Variants in POLR2F observed in about 807,000 individuals in gnomAD.
The protein encoded by POLR2F is RNA polymerase II, I and III subunit F.
Under a neutral mutation model 22.7 loss-of-function variants are expected in POLR2F, and 12 were observed. That is an observed-to-expected ratio of 0.53 (90% CI 0.34 to 0.86). The LOEUF is 0.86. Among genes scored for constraint, POLR2F ranks in the 40% least tolerant of loss-of-function variants. The pLI, the probability that POLR2F is intolerant of heterozygous loss-of-function variation, is 0.02. For missense variants in POLR2F, 126 were observed against 171.5 expected, an observed-to-expected ratio of 0.73 and a Z score of 1.48; for synonymous variants, 57 against 66.0, an observed-to-expected ratio of 0.86 and a Z score of 0.66.
At chr22:37,970,249 C>T (rs1239470922), downstream of POLR2F, among the ~76,000 whole-genome samples, 2 of 148,484 alleles carry the variant, frequency 1.3e-5, no homozygotes, top group Non-Finnish European at 3.0e-5. Context: ...AGCCGAGATC[C>T]CGCTACTGCA....
chr22:37,982,490 G>A (rs559564133), upstream of POLR2F, among the ~76,000 whole-genome samples: 13 of 152,286 alleles, frequency 8.5e-5, no homozygotes, highest in African/African-American at 3.1e-4. Context: ...CCCTGCGGGG[G>A]ATGTTTTTCC....
At chr22:38,018,040 C>T (rs989594500) in intron 1 of POLR2F, among the ~76,000 whole-genome samples, 3 of 152,212 alleles carry the variant, frequency 2.0e-5, no homozygotes, top group Non-Finnish European at 4.4e-5. Context: ...GAATTTCTGT[C>T]CTGGGAAACC....
At chr22:38,012,995 C>T (rs1029051974) in intron 1 of POLR2F, among the ~76,000 whole-genome samples, 1 of 152,168 alleles carries the variant, frequency 6.6e-6, no homozygotes, top group Non-Finnish European at 1.5e-5. Flanking sequence ...GTCCAGTTCT[C>T]ACTCAAGGAG....
intron 1 of POLR2F, among the ~76,000 whole-genome samples, chr22:38,021,610 CCATGCCCA>C (rs2084960783): frequency 6.6e-6 from 1 of 152,078 alleles, no homozygotes; most frequent in South Asian, 2.1e-4. Flanking sequence ...GCACGCGCCA[CCATGCCCA>C]GTTACTTTTT....
intron 4 of POLR2F, among the ~76,000 whole-genome samples, chr22:37,981,180 T>C (rs529166609): frequency 6.6e-6 from 1 of 152,356 alleles, no homozygotes; most frequent in South Asian, 2.1e-4. Flanking sequence ...TTAAGACACC[T>C]GTTTTCCAGC....
chr22:38,003,231 C>G (rs535053280), intron 1 of POLR2F, among the ~76,000 whole-genome samples: 5 of 151,640 alleles, frequency 3.3e-5, no homozygotes, highest in Non-Finnish European at 7.4e-5. Context: ...TAAGGACAGT[C>G]AGGAACCATG....
rs1931969780 is a variant in POLR2F at position 37,969,148 on chromosome 22, ATTGGGGGTTAACCCT to A, written c.*1435_*1449del. 2.0e-6 allele frequency: 2 copies of A among 984,756 alleles called. No individual in the cohort carries two copies. The highest frequency in any genetic ancestry group is 1.2e-4 in the Admixed American group (2 of 16,242). 61.0% of individuals were successfully genotyped at this position (984,756 alleles called of 1,614,324 possible). On this transcript the variant is annotated 3_prime_UTR_variant, in exon 5 of 5. Transcript: ENST00000442738. ...GGGGTTTGGGCTGGGGAGGAGGGGA[ATTGGGGGTTAACCCT>A]TAGGGGATAGAGTGCAAGGGAAATG...
chr22:37,983,622 T>C (rs1340193662), upstream of POLR2F: 1 of 1,605,816 alleles, frequency 6.2e-7, no homozygotes, highest in Non-Finnish European at 8.5e-7. This position sits in a 1 kb window ranked among gnomAD's most constrained non-coding sequence, Gnocchi z 9.5. Context: ...TGCTCCTTCT[T>C]GACCTTGCCC....
In POLR2F at chr22:37,967,112, G is replaced by A. The variant is rs752345255; in HGVS notation, c.235G>A (p.Val79Met). The A allele has an allele frequency of 6.2e-7, 1 of 1,613,230 alleles. No individual in the cohort carries two copies. Residue 79 changes from valine to methionine, a missense_variant, in exon 4 of 5, where the codon GTG becomes ATG. By Grantham distance (21) the Val-to-Met change is conservative (BLOSUM62 1). Coordinates refer to ENST00000442738, the MANE Select transcript of POLR2F (RefSeq NM_021974.5). The part of the protein sequence containing the change: ...RALQIAMCAP[V>M]MVELEGETDP... ...CTATCCCTACAGGATGTGTGCCCCTGTGATGGTGGAGCTGGAGGGGGAGAC... is the reference window on the plus strand; with the variant it reads ...CTATCCCTACAGGATGTGTGCCCCTATGATGGTGGAGCTGGAGGGGGAGAC...
chr22:38,036,646 C>G (rs968547870), intron 5 of POLR2F, among the ~76,000 whole-genome samples: 3 of 151,670 alleles, frequency 2.0e-5, no homozygotes, highest in African/African-American at 7.3e-5. Flanking sequence ...GGGCTGCGGC[C>G]AAGAACTGTG....
At position 37,978,544 on chromosome 22, in the gene POLR2F, A is replaced by G. The variant is rs1439190801; in HGVS notation, c.293+11374A>G. On this transcript the variant is annotated intron_variant, in intron 4 of 4. Coordinates refer to the POLR2F transcript ENST00000405557. The surrounding 1 kb of genome is among the most constrained non-coding windows in gnomAD (Gnocchi z 5.0). ...AGTGGGGGTGAGCTCCCTGGGACTG[A>G]GGGTGGGCAATAGAAGCAGCATGGC... Among the ~76,000 whole-genome samples the G allele has an allele frequency of 6.6e-6, 1 of 152,186 alleles. No homozygotes were observed. Among genetic ancestry groups the G allele is most frequent in the East Asian group, 1.9e-4 (1 of 5,202 alleles).
At chr22:37,956,339 G>A (rs1931397042) in intron 1 of POLR2F, among the ~76,000 whole-genome samples, 1 of 151,986 alleles carries the variant, frequency 6.6e-6, no homozygotes, top group African/African-American at 2.4e-5. Context: ...GCCTCCCAAA[G>A]TGCTGGGATT....
rs550057161 is a variant in POLR2F, at chr22:37,980,057, C to T, written c.293+12887C>T. Among the ~76,000 whole-genome samples the T allele has an allele frequency of 1.4e-4, 22 of 152,290 alleles. No homozygotes were observed. The East Asian group carries it at 3.7e-3, about 25-fold the overall frequency. ...GCCTCCCTGTCTACTCCCCCCACCC[C>T]GGCCCTGAGCCCAGCCCTAGCCCCA... is the stretch of plus-strand genomic sequence containing the variant. On this transcript the variant is annotated intron_variant, in intron 4 of 4. Transcript: ENST00000405557. The surrounding 1 kb of genome is among the most constrained non-coding windows in gnomAD (Gnocchi z 4.1).
chr22:38,030,970 C>A (rs1234882205), downstream of POLR2F, among the ~76,000 whole-genome samples: 2 of 151,940 alleles, frequency 1.3e-5, no homozygotes, highest in East Asian at 1.9e-4. Flanking sequence ...TGGGACAGGA[C>A]GAGGGCTGGA....
intron 1 of POLR2F, chr22:38,025,477 CACAA>C (rs2084999341): frequency 7.2e-7 from 1 of 1,397,896 alleles, no homozygotes; most frequent in Non-Finnish European, 9.4e-7. Flanking sequence ...AAGATACGAT[CACAA>C]ACACACATTC....
At chr22:38,025,053 G>A (rs1034983310) in intron 1 of POLR2F, among the ~76,000 whole-genome samples, 11 of 152,242 alleles carry the variant, frequency 7.2e-5, no homozygotes, top group South Asian at 4.1e-4. Context: ...CTTTCTTGGC[G>A]TTTCCGGGCC....
At chr22:37,977,171 A>G (rs1217497183) in intron 4 of POLR2F, among the ~76,000 whole-genome samples, 3 of 140,004 alleles carry the variant, frequency 2.1e-5, no homozygotes, top group African/African-American at 7.9e-5. Flanking sequence ...CTGTCTCCAG[A>G]AAAAAAAAAA....
intron 5 of POLR2F, among the ~76,000 whole-genome samples, chr22:38,039,744 C>T (rs968822026): frequency 6.6e-6 from 1 of 152,228 alleles, no homozygotes; most frequent in Non-Finnish European, 1.5e-5. Flanking sequence ...AGAGGAAACC[C>T]GAGCACCCGG....
intron 3 of POLR2F, among the ~76,000 whole-genome samples, chr22:37,960,063 C>G (rs1038329845): frequency 6.6e-6 from 1 of 152,088 alleles, no homozygotes; most frequent in Non-Finnish European, 1.5e-5. Context: ...CTCTGCCTCC[C>G]AAAGTGTTGG....
Sources: gnomAD v4.1 joint callset for allele counts (sites outside exome capture counted in the v4.1 genomes callset) on GRCh38, gnomAD v4.1.1 for gene constraint, Gnocchi (gnomAD v3.1) non-coding constraint, MANE v1.5 for transcripts, NCBI Gene and HGNC (gene_info 2026-07-23, HGNC 2026-07-21) for gene names.